Variants in GRM1 observed in about 807,000 individuals in gnomAD.
GRM1 encodes metabotropic glutamate receptor 1.
GRM1 carries 33 observed loss-of-function variants against 90.9 expected under a neutral mutation model. The ratio of observed to expected loss-of-function variants is 0.36; its 90% CI spans 0.28 to 0.49. The LOEUF (loss-of-function observed/expected upper bound fraction) is 0.49, where lower values mean the gene tolerates loss of function less well. Among genes scored for constraint, GRM1 ranks in the 20% least tolerant of loss-of-function variants. The pLI is 0.99. For synonymous variants in GRM1, 700 were observed against 613.2 expected (o/e 1.14, Z -2.09); for missense variants, 1,190 against 1,534.3 (o/e 0.78, Z 3.75).
chr6:146,293,532 A>G (rs1783069691), intron 2 of GRM1, among the ~76,000 whole-genome samples: 1 of 152,026 alleles, frequency 6.6e-6, no homozygotes, highest in African/African-American at 2.4e-5. Context: ...TTTTACAACA[A>G]TATCGTGAGT....
At chr6:146,106,472 C>A (rs1414634487) in intron 1 of GRM1, among the ~76,000 whole-genome samples, 1 of 152,178 alleles carries the variant, frequency 6.6e-6, no homozygotes. Flanking sequence ...AGTTTATTTA[C>A]AGTTGCCCCT....
intron 2 of GRM1, among the ~76,000 whole-genome samples, chr6:146,290,010 A>G (rs1782916718): frequency 6.6e-6 from 1 of 152,234 alleles, no homozygotes; most frequent in Non-Finnish European, 1.5e-5. Context: ...AAGAGATGTT[A>G]GGCAAAAATA....
chr6:146,241,517 C>T (rs1443777429), intron 2 of GRM1, among the ~76,000 whole-genome samples: 1 of 152,024 alleles, frequency 6.6e-6, no homozygotes, highest in Non-Finnish European at 1.5e-5. Context: ...ATGATGGTCT[C>T]CATACACTCA....
rs755202615 is a variant in GRM1, at chr6:146,399,523, G to A, written c.2484G>A (p.Gly828=). 6 of 1,614,014 alleles carry A rather than the reference G, an allele frequency of 3.7e-6. No individual in the cohort carries two copies. The highest frequency in any genetic ancestry group is 1.3e-5 in the African/African-American group (1 of 74,928). The change falls in exon 7 of 8, where the codon GGG becomes GGA. Residue 828 remains glycine, a synonymous_variant. Coordinates refer to ENST00000282753, the MANE Select transcript of GRM1 (RefSeq NM_001278064.2). This position sits in a 1 kb window ranked among gnomAD's most constrained non-coding sequence, Gnocchi z 5.4. ...AVSLSVTVAL[G]CMFTPKMYII... ...GTCTCAGTGTAACAGTGGCTCTGGGGTGCATGTTCACTCCCAAGATGTACA... is the reference window on the plus strand; with the variant it reads ...GTCTCAGTGTAACAGTGGCTCTGGGATGCATGTTCACTCCCAAGATGTACA...
intron 7 of GRM1, among the ~76,000 whole-genome samples, chr6:146,431,700 T>C (rs1051946373): frequency 1.3e-5 from 2 of 152,184 alleles, no homozygotes; most frequent in Admixed American, 1.3e-4. Context: ...CTAATGCCTA[T>C]GAAGAAGTGG....
At position 146,060,235 on chromosome 6, in the gene GRM1, GT is replaced by G. The variant is rs1775616564; in HGVS notation, c.700+30021del. On this transcript the variant is annotated intron_variant, in intron 1 of 7. Coordinates refer to ENST00000282753, the MANE Select transcript of GRM1 (RefSeq NM_001278064.2). ...TGAACACTTAGAGGCAATTATATAG[GT>G]TTCTGTGTTTTTTTTTAATTTTTAT... Among the ~76,000 whole-genome samples, 4 of 151,806 alleles carry G rather than the reference GT, an allele frequency of 2.6e-5. No individual in the cohort carries two copies. In the South Asian group the frequency reaches 8.3e-4, roughly 32 times the overall value.
intron 1 of GRM1, among the ~76,000 whole-genome samples, chr6:146,065,997 T>C (rs1233743878): frequency 1.3e-5 from 2 of 152,132 alleles, no homozygotes; most frequent in Admixed American, 6.5e-5. Context: ...TTGAATGAAC[T>C]GTATTGTAAG....
At chr6:146,317,936 G>A (rs936204554) in intron 3 of GRM1, among the ~76,000 whole-genome samples, 2 of 152,236 alleles carry the variant, frequency 1.3e-5, no homozygotes, top group Admixed American at 1.3e-4. Context: ...AATAAACCAG[G>A]CTTAGTACTA....
chr6:146,138,513 T>C (rs1389675171), intron 1 of GRM1, among the ~76,000 whole-genome samples: 4 of 152,172 alleles, frequency 2.6e-5, no homozygotes, highest in Non-Finnish European at 5.9e-5. Flanking sequence ...TCCCAGGCTT[T>C]AGTTTTCCGG....
chr6:146,267,608 A>T (rs986241178), intron 2 of GRM1, among the ~76,000 whole-genome samples: 2 of 131,440 alleles, frequency 1.5e-5, no homozygotes, highest in African/African-American at 5.3e-5. Flanking sequence ...TGGGAGAAAG[A>T]TGTAGGCTGG....
At chr6:146,058,204 C>T (rs977895993) in intron 1 of GRM1, among the ~76,000 whole-genome samples, 2 of 152,020 alleles carry the variant, frequency 1.3e-5, no homozygotes, top group African/African-American at 4.8e-5. Context: ...TAAGTTTCTA[C>T]CTAGTCTCAG....
intron 1 of GRM1, among the ~76,000 whole-genome samples, chr6:146,096,571 C>T (rs887736901): frequency 9.9e-5 from 15 of 152,188 alleles, no homozygotes; most frequent in African/African-American, 3.4e-4. Flanking sequence ...ATCTCATGAA[C>T]TTAATCACAA....
chr6:146,410,375 C>T (rs1777517207), intron 7 of GRM1, among the ~76,000 whole-genome samples: 1 of 152,122 alleles, frequency 6.6e-6, no homozygotes, highest in Non-Finnish European at 1.5e-5. Flanking sequence ...ATCATTAGGA[C>T]ATTGTCTTCT....
At chr6:146,181,057 A>G (rs1265225368) in intron 2 of GRM1, among the ~76,000 whole-genome samples, 1 of 152,156 alleles carries the variant, frequency 6.6e-6, no homozygotes, top group Non-Finnish European at 1.5e-5. Flanking sequence ...GCCAAAGAAG[A>G]GATGACACTA....
intron 5 of GRM1, among the ~76,000 whole-genome samples, chr6:146,359,046 C>T (rs571720662): frequency 6.6e-6 from 1 of 152,232 alleles, no homozygotes; most frequent in East Asian, 1.9e-4. Context: ...AAGGTTTGGC[C>T]AATGTGTTCT....
At chr6:146,368,259 TTG>T (rs1491361555) in intron 5 of GRM1, among the ~76,000 whole-genome samples, 10 of 125,586 alleles carry the variant, frequency 8.0e-5, no homozygotes, top group African/African-American at 3.1e-4. Context: ...CAGTTTTTTT[TTG>T]GGGGGGGGGG....
intron 2 of GRM1, among the ~76,000 whole-genome samples, chr6:146,275,552 CTCT>C (rs1670806524): frequency 6.6e-6 from 1 of 151,998 alleles, no homozygotes; most frequent in African/African-American, 2.4e-5. Flanking sequence ...ATCTCTTTCT[CTCT>C]TCCCTTCCTC....
intron 2 of GRM1, among the ~76,000 whole-genome samples, chr6:146,176,949 G>C (rs1778360322): frequency 6.6e-6 from 1 of 151,884 alleles, no homozygotes; most frequent in Non-Finnish European, 1.5e-5. Context: ...TCTCATATTA[G>C]GGCTATTGCG....
chr6:146,162,282 G>A (rs1777756758), intron 2 of GRM1, among the ~76,000 whole-genome samples: 1 of 152,056 alleles, frequency 6.6e-6, no homozygotes, highest in Admixed American at 6.6e-5. Context: ...AGTAAATCAT[G>A]GTGTAGATAG....
Sources: allele counts gnomAD v4.1 joint callset (sites outside exome capture counted in the v4.1 genomes callset), GRCh38; gene constraint gnomAD v4.1.1; non-coding constraint Gnocchi (gnomAD v3.1); transcripts MANE v1.5; gene names NCBI Gene and HGNC (gene_info 2026-07-23, HGNC 2026-07-21).